CARD10: variants seen among roughly 807,000 people sequenced by gnomAD.
CARD10 encodes the protein caspase recruitment domain family member 10, also known as caspase recruitment domain-containing protein 10.
A neutral mutation model predicts 114.6 loss-of-function variants in CARD10; 49 were observed. The ratio of observed to expected loss-of-function variants is 0.43; its 90% CI spans 0.34 to 0.54. The LOEUF (loss-of-function observed/expected upper bound fraction) is 0.54. Ranked by LOEUF, CARD10 falls within the 20% of genes least tolerant of loss-of-function variation. The probability of loss-of-function intolerance (pLI) is 0.03; values close to 1 mark genes in which losing one functional copy is unlikely to be tolerated. For missense variants in CARD10, 1,206 were observed against 1,397.2 expected (o/e 0.86, Z 2.18); for synonymous variants, 602 against 593.2 (o/e 1.01, Z -0.21).
At chr22:37,503,137 C>T (rs1923277353) in intron 10 of CARD10, 48 bp downstream of exon 10, 1 of 1,597,836 alleles carries the variant, frequency 6.3e-7, no homozygotes. Flanking sequence ...TGCAAAGCCA[C>T]CTCCCCCGAC....
rs1923836471 is a variant in CARD10, at chr22:37,516,089, C to G, written c.583G>C (p.Gly195Arg). 2 of 1,595,660 alleles carry G rather than the reference C, an allele frequency of 1.3e-6. No homozygotes were observed. The highest frequency in any genetic ancestry group is 1.3e-5 in the African/African-American group (1 of 74,664). The change falls in exon 3 of 20, where the codon GGC (glycine) becomes CGC (arginine). Residue 195 changes from glycine to arginine, a missense_variant. This residue lies in a region of CARD10 where 1,068 missense variants were observed against 1,179.1 expected (regional missense o/e 0.91). Coordinates refer to ENST00000251973, the MANE Select transcript of CARD10 (RefSeq NM_014550.4). ...CQRLREDWEAGSLELLRLKDE... is the reference protein window; with the variant it reads ...CQRLREDWEARSLELLRLKDE... Reference sequence around the variant, plus strand: ...TTGAGCCGCAGCAGCTCCAGGCTGCCCGCCTCCCAGTCCTCCCGCAGCCGT... The same window carrying G: ...TTGAGCCGCAGCAGCTCCAGGCTGCGCGCCTCCCAGTCCTCCCGCAGCCGT...
At chr22:37,509,226 GC>G in intron 4 of CARD10, 1 of 1,256,620 alleles carries the variant, frequency 8.0e-7, no homozygotes, top group South Asian at 1.9e-5. Flanking sequence ...GGCCCATGCA[GC>G]TGCTGACCTG....
intron 5 of CARD10, 93 bp from the exon 6 acceptor site, chr22:37,508,047 C>T: frequency 6.8e-7 from 1 of 1,481,202 alleles, no homozygotes; most frequent in Non-Finnish European, 9.3e-7. Context: ...GAGAGACGCT[C>T]ACCAACAGTC....
intron 6 of CARD10, 66 bp downstream of exon 6, chr22:37,507,763 C>T (rs186007793): frequency 6.3e-7 from 1 of 1,598,068 alleles, no homozygotes; most frequent in East Asian, 2.2e-5. Flanking sequence ...CTCCATTGCT[C>T]CTTGTCTCCT....
chr22:37,507,459 A>G (rs1378452521), intron 6 of CARD10, among the ~76,000 whole-genome samples: 1 of 152,244 alleles, frequency 6.6e-6, no homozygotes, highest in East Asian at 1.9e-4. Flanking sequence ...CAAGGGTCAT[A>G]GTGCCCAGGG....
chr22:37,502,830 G>C, intron 10 of CARD10, 105 bp from the exon 11 acceptor site: 1 of 1,356,966 alleles, frequency 7.4e-7, no homozygotes, highest in Non-Finnish European at 9.9e-7. Context: ...GCCTTGGCAG[G>C]TTTGAGGCCC....
Position 37,519,238 on chromosome 22 carries a change from G to A in CARD10, c.-38C>T, listed in dbSNP as rs1426329118. Reference sequence around the variant, plus strand: ...AGGGTCTGCGGGCAAGAGGCGCACGGGGGTCGACCAGGGCTCCCTAGGGCT... The same window carrying A: ...AGGGTCTGCGGGCAAGAGGCGCACGAGGGTCGACCAGGGCTCCCTAGGGCT... On this transcript the variant is annotated 5_prime_UTR_variant, in exon 1 of 20. Coordinates refer to ENST00000251973, the MANE Select transcript of CARD10 (RefSeq NM_014550.4). This position sits in a 1 kb window ranked among gnomAD's most constrained non-coding sequence, Gnocchi z 4.1. 2 of 1,471,896 alleles carry A rather than the reference G, an allele frequency of 1.4e-6. No individual in the cohort carries two copies. The highest frequency in any genetic ancestry group is 4.4e-5 in the Admixed American group (2 of 45,514). 91.2% of individuals were successfully genotyped at this position (1,471,896 alleles called of 1,614,324 possible).
chr22:37,506,147 A>AC, intron 7 of CARD10, 45 bp downstream of exon 7: 1 of 1,403,652 alleles, frequency 7.1e-7, no homozygotes, highest in Non-Finnish European at 9.4e-7. Flanking sequence ...TCCTGCCAGG[A>AC]CCCCAGCCTT....
chr22:37,507,699 C>T, intron 6 of CARD10, 130 bp downstream of exon 6: 1 of 1,168,508 alleles, frequency 8.6e-7, no homozygotes, highest in Non-Finnish European at 1.2e-6. Flanking sequence ...GCCTTTGTGC[C>T]CCGTCCTAAC....
At chr22:37,493,970 C>G in intron 16 of CARD10, 116 bp downstream of exon 16, 1 of 781,542 alleles carries the variant, frequency 1.3e-6, no homozygotes, top group Non-Finnish European at 2.2e-6. Flanking sequence ...CTGTTGGAAC[C>G]CTCACAACAG....
Position 37,491,138 on chromosome 22 carries a change from G to C in CARD10, c.*21C>G, listed in dbSNP as rs907904309. 78 of 1,527,066 alleles carry C rather than the reference G, an allele frequency of 5.1e-5. No homozygotes were observed. Among genetic ancestry groups the C allele is most frequent in the Non-Finnish European group, 6.5e-5 (73 of 1,128,316 alleles). 94.6% of individuals were successfully genotyped at this position (1,527,066 alleles called of 1,614,324 possible). On this transcript the variant is annotated 3_prime_UTR_variant, in exon 20 of 20. Coordinates refer to ENST00000251973, the MANE Select transcript of CARD10 (RefSeq NM_014550.4). ...AGGGTCCACGCTGGCTTGGGGAGAAGGTGCAGGTATCAGATGAGCCTCAGG... is the reference window on the plus strand; with the variant it reads ...AGGGTCCACGCTGGCTTGGGGAGAACGTGCAGGTATCAGATGAGCCTCAGG...
chr22:37,496,602 T>C lies in CARD10; in HGVS notation c.1948-42A>G, dbSNP rs557461225. On this transcript the variant is annotated intron_variant, in intron 12 of 19. Coordinates refer to ENST00000251973, the MANE Select transcript of CARD10 (RefSeq NM_014550.4). This position sits in a 1 kb window ranked among gnomAD's most constrained non-coding sequence, Gnocchi z 4.1. ...GCAGGGAGGGAAAGAAGTGAGCCTC[T>C]GAGAGTAGAGCAGCCCAGGGGCTGG... 6.9e-7 allele frequency: 1 copy of C among 1,448,290 alleles called. No individual in the cohort carries two copies. Among genetic ancestry groups the C allele is most frequent in the South Asian group, 1.1e-5 (1 of 87,384 alleles). 89.7% of individuals were successfully genotyped at this position (1,448,290 alleles called of 1,614,324 possible).
Position 37,519,064 on chromosome 22 carries a change from T to C in CARD10, c.137A>G (p.Lys46Arg). ...GCACTGGCGCAGATACGGCGTGAGC[T>C]TGGCCGGGTTCAGGGCGCGAGCCAG... ...HRLARALNPAKLTPYLRQCRV... is the reference protein window; with the variant it reads ...HRLARALNPARLTPYLRQCRV... Residue 46 changes from lysine to arginine, a missense_variant, in exon 1 of 20, where the codon AAG becomes AGG. Transcript: ENST00000251973. The surrounding 1 kb of genome is among the most constrained non-coding windows in gnomAD (Gnocchi z 4.1). 1 of 1,592,880 alleles carries C rather than the reference T, an allele frequency of 6.3e-7. No individual in the cohort carries two copies. The highest frequency in any genetic ancestry group is 8.5e-7 in the Non-Finnish European group (1 of 1,176,688).
chr22:37,496,544 G>A lies in CARD10; in HGVS notation c.1964C>T (p.Ala655Val). 4 of 1,613,336 alleles carry A rather than the reference G, an allele frequency of 2.5e-6. No homozygotes were observed. Among genetic ancestry groups the A allele is most frequent in the Non-Finnish European group, 3.4e-6 (4 of 1,179,700 alleles). Residue 655 changes from alanine (A) to valine (V), a missense_variant, in exon 13 of 20, where the codon GCT becomes GTT. By Grantham distance (64) the Ala-to-Val change is moderately conservative. Around this residue, in one of 2 missense-constraint regions of CARD10, gnomAD observed 1,068 missense variants for 1,179.1 expected, o/e 0.91. Coordinates refer to ENST00000251973, the MANE Select transcript of CARD10 (RefSeq NM_014550.4). This position sits in a 1 kb window ranked among gnomAD's most constrained non-coding sequence, Gnocchi z 4.1. ...MEPREQRVEA[A>V]GLEGACLEAE... ...TTCCAGGCACGCCCCCTCCAGACCAGCAGCTTCCACCCTTTGCTGGGAGAA... is the reference window on the plus strand; with the variant it reads ...TTCCAGGCACGCCCCCTCCAGACCAACAGCTTCCACCCTTTGCTGGGAGAA...
intron 4 of CARD10, chr22:37,508,968 C>G: frequency 6.5e-7 from 1 of 1,544,888 alleles, no homozygotes; most frequent in Non-Finnish European, 8.7e-7. Context: ...TATTCCTAAA[C>G]AAGCACCAGG....
intron 11 of CARD10, 95 bp from the exon 12 acceptor site, chr22:37,497,273 GT>G: frequency 7.4e-7 from 1 of 1,348,248 alleles, no homozygotes. Flanking sequence ...CATTTCCCAA[GT>G]ATGCCATGAC....
chr22:37,504,569 C>T (rs1923336998), intron 8 of CARD10, 66 bp downstream of exon 8: 2 of 1,457,558 alleles, frequency 1.4e-6, no homozygotes, highest in Non-Finnish European at 1.8e-6. Context: ...TCAGAAAGCA[C>T]TCTCCACATT....
Position 37,494,170 on chromosome 22 carries a change from C to A in CARD10, c.2392G>T (p.Asp798Tyr). 6.4e-7 allele frequency: 1 copy of A among 1,554,802 alleles called. No individual in the cohort carries two copies. The highest frequency in any genetic ancestry group is 1.9e-5 in the Admixed American group (1 of 51,600). ...TTGGGCCTCACCAGCCGCAGCTGGT[C>A]CAGGGCTCTCTTCTTCAGCTGGGAG... ...PRSNLKKRAL[D>Y]QLRLVRPKPV... is the part of the protein sequence containing the mutation. Residue 798 changes from aspartate (D) to tyrosine (Y), a missense_variant, in exon 16 of 20, where the codon GAC becomes TAC. Transcript: ENST00000251973.
At position 37,501,766 on chromosome 22, in the gene CARD10, C is replaced by T. The variant is rs1480434349; in HGVS notation, c.1787+836G>A. 6.6e-6 allele frequency among the ~76,000 whole-genome samples: 1 copy of T among 152,218 alleles called. No homozygotes were observed. Among genetic ancestry groups the T allele is most frequent in the South Asian group, 2.1e-4 (1 of 4,832 alleles). Reference sequence around the variant, plus strand: ...AGAGATAATCGTCATTATGCCTACTCCCTGGACAAAGAGCATGTTGTAAAA... The same window carrying T: ...AGAGATAATCGTCATTATGCCTACTTCCTGGACAAAGAGCATGTTGTAAAA... On this transcript the variant is annotated intron_variant, in intron 11 of 19. Coordinates refer to ENST00000251973, the MANE Select transcript of CARD10 (RefSeq NM_014550.4). This position sits in a 1 kb window ranked among gnomAD's most constrained non-coding sequence, Gnocchi z 5.4.
Sources: gnomAD v4.1 joint callset for allele counts (sites outside exome capture counted in the v4.1 genomes callset) on GRCh38, gnomAD v4.1.1 for gene constraint, gnomAD v4.1.1 regional missense constraint, Gnocchi (gnomAD v3.1) non-coding constraint, MANE v1.5 for transcripts, NCBI Gene and HGNC (gene_info 2026-07-23, HGNC 2026-07-21) for gene names.